The following PSMA8 variants were observed in gnomAD, a reference collection of about 807,000 sequenced individuals.
PSMA8 encodes the protein proteasome subunit alpha-type 8.
A neutral mutation model predicts 32.4 loss-of-function variants in PSMA8; 18 were observed. That is an observed-to-expected ratio of 0.56 (90% CI 0.38 to 0.82). The LOEUF is 0.82. Among genes scored for constraint, PSMA8 ranks in the 40% least tolerant of loss-of-function variants. The probability of loss-of-function intolerance (pLI) is 0.00; values close to 1 mark genes in which losing one functional copy is unlikely to be tolerated. For missense variants in PSMA8, 298 were observed against 300.7 expected (o/e 0.99, Z 0.07); for synonymous variants, 104 against 98.1 (o/e 1.06, Z -0.36).
In PSMA8 at chr18:26,190,744, G is replaced by C. The variant is rs905635228; in HGVS notation, c.661-1575G>C. ...AGCTGTAGGCAGCAGAGCAAGACCC[G>C]GTCTCAAAAAGGAAAAAGAAAGTGA... On this transcript the variant is annotated intron_variant, in intron 6 of 6. Coordinates refer to ENST00000415576, the MANE Select transcript of PSMA8 (RefSeq NM_001025096.2). 1.3e-4 allele frequency among the ~76,000 whole-genome samples: 20 copies of C among 152,126 alleles called. 1 individual carries two copies. Among genetic ancestry groups the C allele is most frequent in the African/African-American group, 4.8e-4 (20 of 41,430 alleles).
chr18:26,178,182 C>T (rs1476434544), intron 4 of PSMA8, among the ~76,000 whole-genome samples: 1 of 152,206 alleles, frequency 6.6e-6, no homozygotes, highest in African/African-American at 2.4e-5. Context: ...CATACCACTG[C>T]ACTCCAGCCT....
At chr18:26,139,071 G>A (rs1314764567) in intron 1 of PSMA8, among the ~76,000 whole-genome samples, 1 of 152,178 alleles carries the variant, frequency 6.6e-6, no homozygotes, top group Non-Finnish European at 1.5e-5. Context: ...TTCCTCCCTT[G>A]GATGTGGGCT....
chr18:26,175,173 G>A (rs1029338559), intron 4 of PSMA8, among the ~76,000 whole-genome samples: 1 of 152,184 alleles, frequency 6.6e-6, no homozygotes, highest in Non-Finnish European at 1.5e-5. Flanking sequence ...TAGTGTGGGA[G>A]AGCTCATTGA....
At chr18:26,171,733 C>CA (rs879821152) in intron 4 of PSMA8, among the ~76,000 whole-genome samples, 195 of 131,954 alleles carry the variant, frequency 1.5e-3, no homozygotes, top group Non-Finnish European at 1.5e-3. Flanking sequence ...GACTCCGTCT[C>CA]AAAAAAAAAA....
chr18:26,138,288 T>C (rs77151867), intron 1 of PSMA8, among the ~76,000 whole-genome samples: 179 of 152,316 alleles, frequency 1.2e-3, no homozygotes, highest in African/African-American at 4.1e-3. Context: ...AGCATGTCAC[T>C]CAAATCTAGC....
At chr18:26,172,259 C>T (rs1225552232) in intron 4 of PSMA8, among the ~76,000 whole-genome samples, 1 of 152,166 alleles carries the variant, frequency 6.6e-6, no homozygotes, top group African/African-American at 2.4e-5. Context: ...GTATAAATTG[C>T]TGATCTGTAG....
chr18:26,135,376 G>A (rs2054903540), intron 1 of PSMA8, among the ~76,000 whole-genome samples: 2 of 152,028 alleles, frequency 1.3e-5, no homozygotes, highest in African/African-American at 4.8e-5. Flanking sequence ...TCTAAGTCTA[G>A]CAGTGTCTAT....
rs553463237 is a variant in PSMA8 at position 26,142,431 on chromosome 18, C to A, written c.103-2128C>A. Among the ~76,000 whole-genome samples the A allele has an allele frequency of 4.6e-5, 7 of 152,198 alleles. No individual in the cohort carries two copies. In the East Asian group the frequency reaches 1.4e-3, roughly 29 times the overall value. On this transcript the variant is annotated intron_variant, in intron 1 of 6. Coordinates refer to ENST00000415576, the MANE Select transcript of PSMA8 (RefSeq NM_001025096.2). ...AAATTTTTAGATTACCCCTGTAATACAGAACCAAAATTCTAAACTTTCCTC... is the reference window on the plus strand; with the variant it reads ...AAATTTTTAGATTACCCCTGTAATAAAGAACCAAAATTCTAAACTTTCCTC...
rs534794524 is a variant in PSMA8, at chr18:26,184,631, G to A, written c.660+5501G>A. ...CCACTAAAAATATAAAAAATTAGCC[G>A]GGCATGGTGGCATGTGCCTGTAATC... is the stretch of plus-strand genomic sequence containing the variant. On this transcript the variant is annotated intron_variant, in intron 6 of 6. Transcript: ENST00000415576. Among the ~76,000 whole-genome samples the A allele has an allele frequency of 1.1e-4, 16 of 148,428 alleles. 2 individuals carry two copies. The highest frequency in any genetic ancestry group is 8.1e-4 in the East Asian group (4 of 4,924).
rs79333468 is a variant in PSMA8 at position 26,134,127 on chromosome 18, C to T, written c.102+60C>T. ...TCTGACCTGTCAGGCCATCGTTACC[C>T]TGCTGCCCCAGCCCACCTTTCCATC... is the stretch of plus-strand genomic sequence containing the variant. On this transcript the variant is annotated intron_variant, in intron 1 of 6. Transcript: ENST00000415576. 8,566 of 1,250,262 alleles carry T rather than the reference C, an allele frequency of 6.9e-3. 62 individuals carry two copies. Among genetic ancestry groups the T allele is most frequent in the Non-Finnish European group, 8.7e-3 (7,412 of 851,610 alleles). The allele number at this position is 1,250,262 out of a possible 1,614,324, so 77.4% of individuals were successfully genotyped here. A position where few individuals can be genotyped will look rare whatever the true frequency, so the allele number is the denominator to read the frequency against.
Position 26,151,971 on chromosome 18 carries a change from AC to A in PSMA8, c.344del (p.Thr115IlefsTer2). The A allele has an allele frequency of 1.3e-6, 2 of 1,596,258 alleles. No individual in the cohort carries two copies. Among genetic ancestry groups the A allele is most frequent in the East Asian group, 4.5e-5 (2 of 44,584 alleles). On this transcript the variant is annotated frameshift_variant, in exon 3 of 7. Coordinates refer to ENST00000415576, the MANE Select transcript of PSMA8 (RefSeq NM_001025096.2). LOFTEE classifies it high-confidence loss of function. ...TVEYITRFIA[T>X]LKQKYTQSNG... ...AGAATACATAACTCGCTTCATAGCA[AC>A]TTTAAAGCAGGTAAGCTAATATTCT...
intron 4 of PSMA8, among the ~76,000 whole-genome samples, chr18:26,167,264 T>C (rs2055187795): frequency 6.6e-6 from 1 of 152,178 alleles, no homozygotes; most frequent in African/African-American, 2.4e-5. Context: ...TAACTACATG[T>C]TTGTGTAAGG....
At chr18:26,179,232 T>C (rs1186507784) in intron 6 of PSMA8, 102 bp downstream of exon 6, 1 of 748,786 alleles carries the variant, frequency 1.3e-6, no homozygotes, top group African/African-American at 1.8e-5. Flanking sequence ...ATGTTATCCT[T>C]CATTAATGTC....
At chr18:26,149,548 G>A (rs528832538) in intron 2 of PSMA8, among the ~76,000 whole-genome samples, 1 of 152,264 alleles carries the variant, frequency 6.6e-6, no homozygotes, top group East Asian at 1.9e-4. Context: ...GATACAGTAA[G>A]CAAAATAGTT....
At chr18:26,158,018 A>G in intron 3 of PSMA8, 104 bp from the exon 4 acceptor site, 1 of 740,968 alleles carries the variant, frequency 1.3e-6, no homozygotes, top group South Asian at 2.1e-5. Flanking sequence ...TATATGTCGA[A>G]TAAGAATTAG....
chr18:26,158,225 G>A lies in PSMA8; in HGVS notation c.458G>A (p.Gly153Asp). Residue 153 changes from glycine (G) to aspartate (D), a missense_variant, in exon 4 of 7, where the codon GGT (glycine) becomes GAT (aspartate). Physicochemically the swap from Gly to Asp is moderately conservative, Grantham distance 94 (BLOSUM62 -1). Transcript: ENST00000415576. ...AGATTGTATCAGACAGATCCTTCTG[G>A]TACTTATCATGCTTGGAAGGTGAGT... ...ISRLYQTDPS[G>D]TYHAWKANAI... The A allele has an allele frequency of 1.9e-6, 3 of 1,601,176 alleles. No homozygotes were observed. In the South Asian group the frequency reaches 3.4e-5, roughly 18 times the overall value.
rs772740790 is a variant in PSMA8 at position 26,144,561 on chromosome 18, C to G, written c.105C>G (p.Val35=). ...TATGTATTTTAATGACTTGACAGGT[C>G]GGAATTCGAGGTACCAATATAGTTG... ...QEAVKKGSTA[V]GIRGTNIVVL... is the part of the protein sequence containing the mutation. Residue 35 remains valine, a splice_region_variant and synonymous_variant, in exon 2 of 7, where the codon GTC becomes GTG. Coordinates refer to ENST00000415576, the MANE Select transcript of PSMA8 (RefSeq NM_001025096.2). The G allele has an allele frequency of 6.2e-7, 1 of 1,611,096 alleles. No individual in the cohort carries two copies. The highest frequency in any genetic ancestry group is 8.5e-7 in the Non-Finnish European group (1 of 1,177,956).
chr18:26,179,510 C>T (rs9955678), intron 6 of PSMA8, among the ~76,000 whole-genome samples: 16,578 of 152,082 alleles, frequency 0.11, 1,480 homozygotes, highest in African/African-American at 0.25. Flanking sequence ...AACTTTAATA[C>T]GTAGCACGAT....
At chr18:26,154,111 A>G (rs1300881193) in intron 3 of PSMA8, among the ~76,000 whole-genome samples, 3 of 152,158 alleles carry the variant, frequency 2.0e-5, no homozygotes, top group Non-Finnish European at 4.4e-5. Context: ...CATGTTGGCC[A>G]GGCTGGTCTC....
Sources: allele counts gnomAD v4.1 joint callset (sites outside exome capture counted in the v4.1 genomes callset), GRCh38; gene constraint gnomAD v4.1.1; transcripts MANE v1.5; gene names NCBI Gene and HGNC (gene_info 2026-07-23, HGNC 2026-07-21).